Variants in UNC93A observed in about 807,000 individuals in gnomAD.
UNC93A encodes the protein unc-93 homolog A.
UNC93A carries 43 observed loss-of-function variants against 47.5 expected under a neutral mutation model. The ratio of observed to expected loss-of-function variants is 0.91; its 90% CI spans 0.71 to 1.17. UNC93A has a LOEUF of 1.17. Ranked by LOEUF, UNC93A falls within the 50% of genes most tolerant of loss-of-function variation. The pLI, the probability that UNC93A is intolerant of heterozygous loss-of-function variation, is 0.00. For synonymous variants in UNC93A, 280 were observed against 258.0 expected, an observed-to-expected ratio of 1.09 and a Z score of -0.82; for missense variants, 605 against 577.6, an observed-to-expected ratio of 1.05 and a Z score of -0.49.
intron 1 of UNC93A, among the ~76,000 whole-genome samples, chr6:167,279,641 A>G (rs1267349403): frequency 6.6e-6 from 1 of 152,212 alleles, no homozygotes; most frequent in East Asian, 1.9e-4. Context: ...ATCAGAAAAC[A>G]TATTCTTTCC....
At chr6:167,296,493 C>T (rs1294557196) in intron 3 of UNC93A, among the ~76,000 whole-genome samples, 2 of 152,216 alleles carry the variant, frequency 1.3e-5, no homozygotes, top group South Asian at 2.1e-4. Context: ...CCACAGGTGC[C>T]TCCGCAGGGG....
chr6:167,304,639 C>A (rs1443810723), intron 5 of UNC93A, among the ~76,000 whole-genome samples: 1 of 151,916 alleles, frequency 6.6e-6, no homozygotes, highest in African/African-American at 2.4e-5. Flanking sequence ...GGCGCCATCT[C>A]AGCTCACCGC....
intron 4 of UNC93A, 49 bp from the exon 5 acceptor site, chr6:167,303,870 C>T (rs910412359): frequency 1.9e-6 from 3 of 1,595,784 alleles, no homozygotes; most frequent in Admixed American, 1.7e-5. Context: ...GCCAGGCACC[C>T]TGCCTCTGGG....
In UNC93A at chr6:167,284,307, C is replaced by T. The variant is rs73790174; in HGVS notation, c.-51-7132C>T. Among the ~76,000 whole-genome samples the T allele has an allele frequency of 7.3e-3, 1,114 of 151,744 alleles. 27 individuals are homozygous for T. Among genetic ancestry groups the T allele is most frequent in the African/African-American group, 0.026 (1,075 of 40,980 alleles). On this transcript the variant is annotated intron_variant, in intron 1 of 3. Coordinates refer to the UNC93A transcript ENST00000503433. The stretch of plus-strand genomic sequence containing the variant: ...TCATAGACCACAATGATAACAGTTG[C>T]GTGAGCTTCTAGAGACTGGCCCAGT...
upstream of UNC93A, among the ~76,000 whole-genome samples, chr6:167,270,052 G>T (rs1783425329): frequency 2.8e-5 from 4 of 142,076 alleles, no homozygotes; most frequent in Admixed American, 2.1e-4. Flanking sequence ...TGCACGGGGT[G>T]GGGGTGGGGG....
Position 167,307,838 on chromosome 6 carries a change from C to T in UNC93A, c.1036C>T (p.His346Tyr). ...ACTGCTGTGGAGACCTCGTGCTGAC[C>T]ATCTGGCAGTGTTCTTCGTATTCTC... Reference protein sequence around the residue: ...ALLLWRPRADHLAVFFVFSGL... With the variant: ...ALLLWRPRADYLAVFFVFSGL... Residue 346 changes from histidine to tyrosine, a missense_variant, in exon 7 of 8, where the codon CAT becomes TAT. By Grantham distance (83) the His-to-Tyr change is moderately conservative. Coordinates refer to ENST00000230256, the MANE Select transcript of UNC93A (RefSeq NM_018974.4). 1 of 1,614,114 alleles carries T rather than the reference C, an allele frequency of 6.2e-7. No homozygotes were observed. The highest frequency in any genetic ancestry group is 8.5e-7 in the Non-Finnish European group (1 of 1,179,992).
chr6:167,295,372 GT>G (rs1205600250), intron 2 of UNC93A, among the ~76,000 whole-genome samples: 11 of 152,140 alleles, frequency 7.2e-5, no homozygotes, highest in Non-Finnish European at 1.5e-4. Flanking sequence ...AACCGGGGCT[GT>G]CCCTCGGCCT....
In UNC93A at chr6:167,274,680, A is replaced by G. The variant is rs116769678; in HGVS notation, c.-52+3222A>G. ...CTCCATCACTCACCTGCTACGTGAC[A>G]TGGGCACCTTCTTTAGTCTTGTTGA... On this transcript the variant is annotated intron_variant, in intron 1 of 3. Transcript: ENST00000503433. Among the ~76,000 whole-genome samples, 1,046 of 152,304 alleles carry G rather than the reference A, an allele frequency of 6.9e-3. 16 individuals are homozygous for G. Among genetic ancestry groups the G allele is most frequent in the African/African-American group, 0.023 (969 of 41,556 alleles).
Position 167,309,121 on chromosome 6 carries a change from G to T in UNC93A, c.1108+1211G>T, listed in dbSNP as rs372104348. ...TGCACCTGTAATCCCAGCTACTCGG[G>T]AGGCTGAGGCAGGAGAATCACTTGA... On this transcript the variant is annotated intron_variant, in intron 7 of 7. Coordinates refer to ENST00000230256, the MANE Select transcript of UNC93A (RefSeq NM_018974.4). Among the ~76,000 whole-genome samples the T allele has an allele frequency of 4.6e-5, 7 of 152,162 alleles. No homozygotes were observed. The East Asian group carries it at 5.8e-4, about 13-fold the overall frequency.
chr6:167,285,596 C>T (rs1259749528), intron 1 of UNC93A, among the ~76,000 whole-genome samples: 1 of 151,568 alleles, frequency 6.6e-6, no homozygotes, highest in Non-Finnish European at 1.5e-5. Flanking sequence ...AGCGGCTTCC[C>T]TGCAGCTGCT....
intron 3 of UNC93A, among the ~76,000 whole-genome samples, chr6:167,296,987 C>T (rs1778108172): frequency 6.6e-6 from 1 of 152,156 alleles, no homozygotes; most frequent in South Asian, 2.1e-4. Flanking sequence ...ACTCTGTAGC[C>T]AAAACCCCTC....
At chr6:167,273,052 G>A (rs1330453937) in intron 1 of UNC93A, among the ~76,000 whole-genome samples, 1 of 152,180 alleles carries the variant, frequency 6.6e-6, no homozygotes, top group Non-Finnish European at 1.5e-5. Context: ...TCGCCTGCCT[G>A]TGGGCCCCTT....
At chr6:167,298,525 C>G (rs1778154230) in intron 4 of UNC93A, among the ~76,000 whole-genome samples, 1 of 144,144 alleles carries the variant, frequency 6.9e-6, no homozygotes, top group South Asian at 2.2e-4. Flanking sequence ...CTATAAGCCA[C>G]TTTTTTTTTT....
intron 1 of UNC93A, among the ~76,000 whole-genome samples, 180 bp from the exon 2 acceptor site, chr6:167,294,337 C>T (rs552259637): frequency 3.9e-5 from 6 of 152,302 alleles, no homozygotes; most frequent in African/African-American, 4.8e-5. Flanking sequence ...TGCTTTATTC[C>T]GAATTCACCT....
chr6:167,270,864 G>A (rs1162891365), upstream of UNC93A, among the ~76,000 whole-genome samples: 4 of 152,228 alleles, frequency 2.6e-5, no homozygotes, highest in African/African-American at 9.6e-5. Context: ...CTGACACCGT[G>A]GGTGCAGACT....
intron 5 of UNC93A, among the ~76,000 whole-genome samples, chr6:167,305,631 A>G (rs116470247): frequency 0.016 from 2,480 of 152,236 alleles, 70 homozygotes; most frequent in African/African-American, 0.057. Flanking sequence ...ATTGGCTTCC[A>G]TATAAAATAG....
chr6:167,292,278 A>G, intron 1 of UNC93A, among the ~76,000 whole-genome samples: 1 of 152,152 alleles, frequency 6.6e-6, no homozygotes, highest in East Asian at 1.9e-4. Flanking sequence ...ATTCATTGCC[A>G]CAGTGTTGTA....
At chr6:167,271,754 G>A (rs1783454668) in intron 1 of UNC93A, among the ~76,000 whole-genome samples, 1 of 152,166 alleles carries the variant, frequency 6.6e-6, no homozygotes, top group South Asian at 2.1e-4. Flanking sequence ...ACACATGGGA[G>A]CACTCAGCCA....
chr6:167,287,276 G>T (rs1295115742), upstream of UNC93A, among the ~76,000 whole-genome samples: 1 of 152,174 alleles, frequency 6.6e-6, no homozygotes, highest in African/African-American at 2.4e-5. Flanking sequence ...CTGCTGAGCT[G>T]CAGACCTGGT....
Sources: allele counts gnomAD v4.1 joint callset (sites outside exome capture counted in the v4.1 genomes callset), GRCh38; gene constraint gnomAD v4.1.1; transcripts MANE v1.5; gene names NCBI Gene and HGNC (gene_info 2026-07-23, HGNC 2026-07-21).